The following RAB8B variants were observed in gnomAD, a reference collection of about 807,000 sequenced individuals.
The protein encoded by RAB8B is ras-related protein Rab-8B.
RAB8B carries 11 observed loss-of-function variants against 32.0 expected under a neutral mutation model. That is an observed-to-expected ratio of 0.34 (90% CI 0.22 to 0.57). The LOEUF is 0.57. Ranked by LOEUF, RAB8B falls within the 20% of genes least tolerant of loss-of-function variation. The pLI is 0.86. For synonymous variants in RAB8B, 103 were observed against 89.6 expected, an observed-to-expected ratio of 1.15 and a Z score of -0.85; for missense variants, 190 against 258.5, an observed-to-expected ratio of 0.73 and a Z score of 1.82.
intron 1 of RAB8B, among the ~76,000 whole-genome samples, chr15:63,196,868 A>G (rs1168318955): frequency 1.3e-5 from 2 of 152,214 alleles, no homozygotes; most frequent in Admixed American, 6.5e-5. Flanking sequence ...CAGTCTCCAT[A>G]ATAAGCTGTT....
chr15:63,199,991 CGTAGGGCTGTG>C (rs1312413717), intron 1 of RAB8B, among the ~76,000 whole-genome samples: 1 of 152,100 alleles, frequency 6.6e-6, no homozygotes, highest in Non-Finnish European at 1.5e-5. Context: ...TTAAAAAGTA[CGTAGGGCTGTG>C]ACAAACAATT....
intron 6 of RAB8B, among the ~76,000 whole-genome samples, chr15:63,260,267 G>A (rs528534135): frequency 1.7e-4 from 26 of 152,276 alleles, no homozygotes; most frequent in Admixed American, 1.6e-3. Flanking sequence ...TTGGGCAGCT[G>A]GAAATCCTGG....
intron 1 of RAB8B, among the ~76,000 whole-genome samples, chr15:63,218,517 C>G (rs994267889): frequency 6.6e-6 from 1 of 152,138 alleles, no homozygotes; most frequent in Non-Finnish European, 1.5e-5. Context: ...GCATTTTGTT[C>G]TAAGAGTTTG....
At position 63,248,496 on chromosome 15, in the gene RAB8B, A is replaced by G. The variant is rs924286537; in HGVS notation, c.186-1149A>G. Among the ~76,000 whole-genome samples the G allele has an allele frequency of 2.6e-5, 4 of 152,180 alleles. No individual in the cohort carries two copies. The highest frequency in any genetic ancestry group is 4.4e-5 in the Non-Finnish European group (3 of 68,042). ...CACTGGACCCCAGCCTGGGTGACAG[A>G]GCGAGACTCCATCTCAAAAACAAAC... is the stretch of plus-strand genomic sequence containing the variant. On this transcript the variant is annotated intron_variant, in intron 2 of 7. Transcript: ENST00000321437. This position sits in a 1 kb window ranked among gnomAD's most constrained non-coding sequence, Gnocchi z 4.4.
In RAB8B at chr15:63,208,893, A is replaced by ATT. The variant is rs58629991; in HGVS notation, c.124+19161_124+19162dup. On this transcript the variant is annotated intron_variant, in intron 1 of 7. Transcript: ENST00000321437. ...TCCCCAACCCTCCACTCCCACGATA[A>ATT]TTTTTTTTTTTTTTTTTGAGGGGGA... Among the ~76,000 whole-genome samples, 1,224 of 133,448 alleles carry ATT rather than the reference A, an allele frequency of 9.2e-3. 31 individuals carry two copies. The highest frequency in any genetic ancestry group is 0.031 in the African/African-American group (1,084 of 35,514). The allele number at this position is 133,448 out of a possible 152,430, so 87.5% of individuals were successfully genotyped here. A position where few individuals can be genotyped will look rare whatever the true frequency, so the allele number is the denominator to read the frequency against.
intron 1 of RAB8B, chr15:63,223,879 C>T: frequency 4.6e-6 from 2 of 434,780 alleles, no homozygotes; most frequent in Non-Finnish European, 9.2e-6. Context: ...AAAAACAACC[C>T]ATTTTATTAT....
At chr15:63,256,173 T>C (rs2038157300) in intron 4 of RAB8B, among the ~76,000 whole-genome samples, 1 of 152,236 alleles carries the variant, frequency 6.6e-6, no homozygotes, top group Admixed American at 6.5e-5. Flanking sequence ...GAATCTAGAA[T>C]ACCATCTCCA....
intron 1 of RAB8B, among the ~76,000 whole-genome samples, chr15:63,205,948 C>G (rs796490561): frequency 2.0e-4 from 31 of 151,854 alleles, no homozygotes; most frequent in African/African-American, 6.1e-4. Context: ...CAGGGCCTGT[C>G]ATATCCAATT....
intron 1 of RAB8B, chr15:63,223,802 C>T: frequency 2.6e-6 from 1 of 391,072 alleles, no homozygotes; most frequent in Non-Finnish European, 5.1e-6. Context: ...TACACTGTTC[C>T]AAAAAAGGAG....
At chr15:63,242,019 T>C (rs2038036448) in intron 1 of RAB8B, among the ~76,000 whole-genome samples, 1 of 151,202 alleles carries the variant, frequency 6.6e-6, no homozygotes, top group African/African-American at 2.4e-5. Flanking sequence ...TTGGGAATAG[T>C]GGTTATCAGA....
chr15:63,212,108 C>T lies in RAB8B; in HGVS notation c.124+22360C>T, dbSNP rs531469998. Reference sequence around the variant, plus strand: ...TCAGCATCCCAAAGCGCTGGGATTACAGTCATGAGCCACAGTGCCTGGCCT... The same window carrying T: ...TCAGCATCCCAAAGCGCTGGGATTATAGTCATGAGCCACAGTGCCTGGCCT... On this transcript the variant is annotated intron_variant, in intron 1 of 7. Coordinates refer to ENST00000321437, the MANE Select transcript of RAB8B (RefSeq NM_016530.3). Among the ~76,000 whole-genome samples the T allele has an allele frequency of 7.9e-5, 12 of 152,292 alleles. No homozygotes were observed. The South Asian group carries it at 2.5e-3, about 32-fold the overall frequency.
intron 1 of RAB8B, among the ~76,000 whole-genome samples, chr15:63,199,922 G>T (rs1268181110): frequency 2.0e-5 from 3 of 152,128 alleles, no homozygotes; most frequent in African/African-American, 7.2e-5. Flanking sequence ...TTACATTTAT[G>T]TTGTGATCTT....
intron 1 of RAB8B, among the ~76,000 whole-genome samples, chr15:63,222,204 C>T (rs1164610622): frequency 1.3e-5 from 2 of 152,192 alleles, no homozygotes; most frequent in Admixed American, 6.5e-5. Flanking sequence ...GACAGGACCA[C>T]CATGGTTCTT....
chr15:63,228,064 C>T (rs1245586379), intron 1 of RAB8B, among the ~76,000 whole-genome samples: 1 of 152,060 alleles, frequency 6.6e-6, no homozygotes, highest in Non-Finnish European at 1.5e-5. Context: ...AGCGTAGTCA[C>T]CCAGGTTGGA....
intron 1 of RAB8B, among the ~76,000 whole-genome samples, chr15:63,236,298 G>A (rs1434151566): frequency 6.6e-6 from 1 of 152,104 alleles, no homozygotes; most frequent in Non-Finnish European, 1.5e-5. Context: ...CCTTGGGAAT[G>A]TTTTCTTACA....
chr15:63,190,108 A>G (rs764835298), intron 1 of RAB8B, among the ~76,000 whole-genome samples: 12 of 150,158 alleles, frequency 8.0e-5, no homozygotes, highest in Non-Finnish European at 1.6e-4. Context: ...TCATGTAGAG[A>G]GAAGGGGATA....
intron 3 of RAB8B, among the ~76,000 whole-genome samples, chr15:63,253,476 GA>G (rs928587953): frequency 1.3e-5 from 2 of 152,146 alleles, no homozygotes; most frequent in Admixed American, 1.3e-4. Flanking sequence ...TCAATGAAGT[GA>G]TAGTTCTAGT....
intron 5 of RAB8B, among the ~76,000 whole-genome samples, chr15:63,257,619 T>C (rs1293319310): frequency 6.6e-6 from 1 of 152,124 alleles, no homozygotes; most frequent in East Asian, 1.9e-4. Context: ...TTTTTTCCCC[T>C]AAAAACATTT....
At chr15:63,193,918 C>T (rs563937000) in intron 1 of RAB8B, among the ~76,000 whole-genome samples, 3 of 152,242 alleles carry the variant, frequency 2.0e-5, no homozygotes, top group Non-Finnish European at 4.4e-5. Context: ...ATTATATTTC[C>T]TCTGGGAAAT....
Sources: allele counts gnomAD v4.1 joint callset (sites outside exome capture counted in the v4.1 genomes callset), GRCh38; gene constraint gnomAD v4.1.1; non-coding constraint Gnocchi (gnomAD v3.1); transcripts MANE v1.5; gene names NCBI Gene and HGNC (gene_info 2026-07-23, HGNC 2026-07-21).